The following SCMH1 variants were observed in gnomAD, a reference collection of about 807,000 sequenced individuals.
SCMH1 encodes polycomb protein SCMH1.
In SCMH1, 37 loss-of-function variants were observed where a neutral mutation model predicts 70.8. The ratio of observed to expected loss-of-function variants is 0.52; its 90% CI spans 0.40 to 0.69. The LOEUF (loss-of-function observed/expected upper bound fraction) is 0.69. SCMH1 is among the 30% of genes least tolerant of loss of function. The pLI, the probability that SCMH1 is intolerant of heterozygous loss-of-function variation, is 0.00. For missense variants in SCMH1, 607 were observed against 827.3 expected, an observed-to-expected ratio of 0.73 and a Z score of 3.27; for synonymous variants, 292 against 307.4, an observed-to-expected ratio of 0.95 and a Z score of 0.52.
chr1:41,182,963 G>A (rs1008688679), intron 2 of SCMH1, among the ~76,000 whole-genome samples: 1 of 152,182 alleles, frequency 6.6e-6, no homozygotes, highest in African/African-American at 2.4e-5. Context: ...TAAAAAAGGA[G>A]CTAGTCACCT....
chr1:41,048,093 C>G (rs1431289320), intron 11 of SCMH1, among the ~76,000 whole-genome samples: 1 of 150,526 alleles, frequency 6.6e-6, no homozygotes, highest in Non-Finnish European at 1.5e-5. Flanking sequence ...GTCAAGTCTT[C>G]ATAGGTTTAG....
chr1:41,117,564 C>G (rs949633898), intron 6 of SCMH1, among the ~76,000 whole-genome samples: 11 of 152,100 alleles, frequency 7.2e-5, no homozygotes, highest in East Asian at 3.9e-4. Context: ...GGCCTGACGT[C>G]AGTCAGGCCC....
chr1:41,152,070 C>T (rs145426660), intron 4 of SCMH1, among the ~76,000 whole-genome samples: 162 of 152,262 alleles, frequency 1.1e-3, no homozygotes, highest in South Asian at 2.7e-3. Context: ...AAAGGTCCCT[C>T]ACCGCTGTCA....
At chr1:41,151,635 C>A (rs768004804) in exon 5 of SCMH1, 1 of 1,612,140 alleles carries the variant, frequency 6.2e-7, no homozygotes, top group Admixed American at 1.7e-5. Context: ...AATGGACAGG[C>A]GCTGGGACTG....
At chr1:41,158,353 G>T (rs1645732084) in intron 4 of SCMH1, among the ~76,000 whole-genome samples, 1 of 152,206 alleles carries the variant, frequency 6.6e-6, no homozygotes, top group Admixed American at 6.5e-5. Flanking sequence ...AAGATAATGT[G>T]ATAAGTGCTA....
At chr1:41,101,183 GGAAAGCAT>G (rs1666551908) in intron 8 of SCMH1, among the ~76,000 whole-genome samples, 1 of 152,150 alleles carries the variant, frequency 6.6e-6, no homozygotes, top group Non-Finnish European at 1.5e-5. Flanking sequence ...TAGATACTGG[GGAAAGCAT>G]ATTTCAGCTT....
chr1:41,048,982 C>G (rs1333564109), intron 10 of SCMH1, 92 bp from the exon 11 acceptor site: 1 of 1,167,426 alleles, frequency 8.6e-7, no homozygotes, highest in Non-Finnish European at 1.2e-6. Flanking sequence ...ATACCTTGGC[C>G]TCTGGTTCCT....
chr1:41,184,523 T>C (rs1055688750), intron 2 of SCMH1, among the ~76,000 whole-genome samples: 1 of 152,192 alleles, frequency 6.6e-6, no homozygotes, highest in Non-Finnish European at 1.5e-5. Context: ...TGGAGATATA[T>C]CACTAAACAA....
At chr1:41,045,747 C>G (rs1646817901) in intron 12 of SCMH1, 1 of 152,268 alleles carries the variant, frequency 6.6e-6, no homozygotes, top group African/African-American at 2.4e-5. Context: ...TTCTTCCCTC[C>G]CTTGTTCTGT....
At chr1:41,037,122 C>T (rs1312723077) in intron 13 of SCMH1, among the ~76,000 whole-genome samples, 2 of 152,058 alleles carry the variant, frequency 1.3e-5, no homozygotes, top group Non-Finnish European at 2.9e-5. Context: ...GTGAATGAAT[C>T]CTTCCCTGTC....
At chr1:41,163,970 T>C (rs1025067040) in intron 2 of SCMH1, among the ~76,000 whole-genome samples, 5 of 152,188 alleles carry the variant, frequency 3.3e-5, no homozygotes, top group Admixed American at 2.0e-4. Flanking sequence ...ACATTACTCA[T>C]ATAAGGAGAA....
chr1:41,062,487 A>G (rs1243913760), intron 10 of SCMH1, among the ~76,000 whole-genome samples: 3 of 151,966 alleles, frequency 2.0e-5, no homozygotes, highest in African/African-American at 7.2e-5. Context: ...CACACCTGTA[A>G]TCCCAGCACT....
chr1:41,192,061 C>T (rs187212133), intron 1 of SCMH1, among the ~76,000 whole-genome samples: 7 of 152,258 alleles, frequency 4.6e-5, no homozygotes, highest in East Asian at 1.9e-4. Context: ...CAAGGTTAAA[C>T]GCAATGACTG....
chr1:41,169,359 C>G (rs1646633784), intron 2 of SCMH1, among the ~76,000 whole-genome samples: 1 of 151,726 alleles, frequency 6.6e-6, no homozygotes, highest in Non-Finnish European at 1.5e-5. Context: ...GAAGTGTGTG[C>G]TATAAGCCCC....
chr1:41,075,486 C>A (rs373092487), intron 8 of SCMH1, 35 bp from the exon 9 acceptor site: 1 of 1,549,826 alleles, frequency 6.5e-7, no homozygotes, highest in South Asian at 1.1e-5. Flanking sequence ...CACCCTCCCT[C>A]CCCCCTGCAT....
chr1:41,203,883 A>G (rs1278058656), intron 1 of SCMH1, among the ~76,000 whole-genome samples: 4 of 152,212 alleles, frequency 2.6e-5, no homozygotes, highest in African/African-American at 9.7e-5. Flanking sequence ...ATACGTGGGT[A>G]AATCTCTGTT....
chr1:41,164,055 T>C (rs1646250413), intron 2 of SCMH1, among the ~76,000 whole-genome samples: 1 of 152,188 alleles, frequency 6.6e-6, no homozygotes, highest in South Asian at 2.1e-4. Flanking sequence ...ACCTATCATG[T>C]CTTTACTTAA....
intron 1 of SCMH1, among the ~76,000 whole-genome samples, chr1:41,228,924 C>G (rs1288501534): frequency 6.6e-6 from 1 of 152,118 alleles, no homozygotes; most frequent in African/African-American, 2.4e-5. Context: ...AAGCTTGGAC[C>G]AGGTTGGTGG....
Position 41,185,124 on chromosome 1 carries a change from C to CA in SCMH1, c.13+996dup, listed in dbSNP as rs753638019. On this transcript the variant is annotated intron_variant, in intron 2 of 14. Transcript: ENST00000337495. Reference sequence around the variant, plus strand: ...TTCCAACTTACTATTTTCAAAATAACACTCTTAAAATCTTTGATATTTCCA... The same window carrying CA: ...TTCCAACTTACTATTTTCAAAATAACAACTCTTAAAATCTTTGATATTTCCA... Among the ~76,000 whole-genome samples, 9 of 152,050 alleles carry CA rather than the reference C, an allele frequency of 5.9e-5. 1 individual carries two copies. Among genetic ancestry groups the CA allele is most frequent in the Non-Finnish European group, 1.0e-4 (7 of 68,024 alleles).
Sources: gnomAD v4.1 joint callset for allele counts (sites outside exome capture counted in the v4.1 genomes callset) on GRCh38, gnomAD v4.1.1 for gene constraint, MANE v1.5 for transcripts, NCBI Gene and HGNC (gene_info 2026-07-23, HGNC 2026-07-21) for gene names.